The following ATXN7 variants were observed in gnomAD, a reference collection of about 807,000 sequenced individuals.
ATXN7 encodes the protein ataxin 7.
Under a neutral mutation model 70.5 loss-of-function variants are expected in ATXN7, and 12 were observed. The observed-to-expected ratio is 0.17, with a 90% CI of 0.11 to 0.28. The LOEUF (loss-of-function observed/expected upper bound fraction) is 0.28. Ranked by LOEUF, ATXN7 falls within the 10% of genes least tolerant of loss-of-function variation. The pLI, the probability that ATXN7 is intolerant of heterozygous loss-of-function variation, is 1.00. For synonymous variants in ATXN7, 498 were observed against 448.7 expected, an observed-to-expected ratio of 1.11 and a Z score of -1.39; for missense variants, 1,256 against 1,131.7, an observed-to-expected ratio of 1.11 and a Z score of -1.58.
chr3:63,925,666 C>T (rs1244984552), intron 4 of ATXN7, among the ~76,000 whole-genome samples: 2 of 152,130 alleles, frequency 1.3e-5, no homozygotes, highest in Admixed American at 6.5e-5. Flanking sequence ...ATGTAAACTC[C>T]CTAGCAAGGC....
intron 4 of ATXN7, among the ~76,000 whole-genome samples, chr3:63,916,955 C>G (rs762990245): frequency 6.6e-6 from 1 of 151,774 alleles, no homozygotes; most frequent in Non-Finnish European, 1.5e-5. Context: ...GCTGTGTCGC[C>G]CAGGCTGGAG....
intron 2 of ATXN7, among the ~76,000 whole-genome samples, chr3:63,899,612 AT>A (rs558227744): frequency 5.9e-4 from 88 of 149,576 alleles, no homozygotes; most frequent in African/African-American, 1.9e-3. Flanking sequence ...AACTCTAGAA[AT>A]TTTTTTTTTC....
intron 5 of ATXN7, among the ~76,000 whole-genome samples, chr3:63,960,138 C>CA (rs2075103483): frequency 6.6e-6 from 1 of 152,110 alleles, no homozygotes; most frequent in South Asian, 2.1e-4. Flanking sequence ...TGTTTAAACT[C>CA]AGTGATGAAA....
chr3:63,949,782 C>T (rs957803553), intron 4 of ATXN7, among the ~76,000 whole-genome samples: 10 of 152,088 alleles, frequency 6.6e-5, no homozygotes, highest in Non-Finnish European at 1.2e-4. Flanking sequence ...TGTGTGCATG[C>T]TTTTTAGAGA....
rs777657992 is a variant in ATXN7 at position 63,995,822 on chromosome 3, T to A, written c.2000T>A (p.Met667Lys). ...CTTTCCTCGGTTCCTTCCTCCCCCA[T>A]GTCCAGGAAACCTCAGAAATTGAAA... is the stretch of plus-strand genomic sequence containing the variant. ...SGLSSVPSSP[M>K]SRKPQKLKSS... Residue 667 changes from methionine (M) to lysine (K), a missense_variant, in exon 12 of 13, where the codon ATG (methionine) becomes AAG (lysine). By Grantham distance (95) the Met-to-Lys change is moderately conservative. Transcript: ENST00000674280. 23 of 1,614,090 alleles carry A rather than the reference T, an allele frequency of 1.4e-5. No individual in the cohort carries two copies. The highest frequency in any genetic ancestry group is 1.8e-5 in the Non-Finnish European group (21 of 1,180,048).
At chr3:63,917,719 T>G (rs1704340100) in intron 4 of ATXN7, among the ~76,000 whole-genome samples, 1 of 152,246 alleles carries the variant, frequency 6.6e-6, no homozygotes, top group Non-Finnish European at 1.5e-5. Flanking sequence ...GTGTTGTTGA[T>G]GAAGGCATAT....
upstream of ATXN7, chr3:63,863,401 G>A (rs1462107785): frequency 9.5e-7 from 1 of 1,048,568 alleles, no homozygotes; most frequent in African/African-American, 1.7e-5. Context: ...CGCGCCCCTA[G>A]ACAAACCCGG....
intron 4 of ATXN7, among the ~76,000 whole-genome samples, chr3:63,947,519 G>A (rs2074883885): frequency 6.6e-6 from 1 of 152,160 alleles, no homozygotes; most frequent in African/African-American, 2.4e-5. Context: ...TTGAGCCTGG[G>A]AGATTGAGGC....
At chr3:63,872,694 A>G (rs1451556868) in intron 1 of ATXN7, among the ~76,000 whole-genome samples, 3 of 152,208 alleles carry the variant, frequency 2.0e-5, no homozygotes, top group African/African-American at 7.2e-5. Flanking sequence ...GCCTACAGGG[A>G]ATTGTTGCAG....
At chr3:63,880,973 C>T (rs928576884) in intron 1 of ATXN7, among the ~76,000 whole-genome samples, 1 of 152,162 alleles carries the variant, frequency 6.6e-6, no homozygotes, top group Admixed American at 6.5e-5. Flanking sequence ...TCAACCCAAC[C>T]CCTACTACTC....
intron 4 of ATXN7, among the ~76,000 whole-genome samples, chr3:63,915,932 C>T (rs1298318865): frequency 2.6e-5 from 4 of 151,960 alleles, no homozygotes; most frequent in Admixed American, 1.3e-4. Context: ...GTGATCCACC[C>T]GCCTCAGCCT....
intron 1 of ATXN7, among the ~76,000 whole-genome samples, chr3:63,881,468 T>C (rs1702905579): frequency 6.6e-6 from 1 of 151,954 alleles, no homozygotes; most frequent in Non-Finnish European, 1.5e-5. Flanking sequence ...CTGGCCTTGT[T>C]CATTGTGGTT....
chr3:63,994,268 T>A (rs1202982759), intron 11 of ATXN7, among the ~76,000 whole-genome samples: 1 of 152,168 alleles, frequency 6.6e-6, no homozygotes, highest in African/African-American at 2.4e-5. Flanking sequence ...AGGGCCTCAC[T>A]CAGTCACCGA....
chr3:63,881,101 G>A (rs1702894210), intron 1 of ATXN7, among the ~76,000 whole-genome samples: 1 of 152,186 alleles, frequency 6.6e-6, no homozygotes, highest in Admixed American at 6.5e-5. Flanking sequence ...GCCAGACTGT[G>A]CTTTACTTGC....
chr3:63,896,032 G>T (rs1703435514), intron 1 of ATXN7, among the ~76,000 whole-genome samples: 1 of 152,086 alleles, frequency 6.6e-6, no homozygotes, highest in South Asian at 2.1e-4. Context: ...GTCTCAGTTT[G>T]TGTCGTGTGT....
chr3:63,970,882 T>C (rs1453464099), intron 5 of ATXN7, among the ~76,000 whole-genome samples: 4 of 152,206 alleles, frequency 2.6e-5, no homozygotes, highest in African/African-American at 7.2e-5. Flanking sequence ...CCGAATACTT[T>C]AGTGGGGCCT....
At chr3:63,997,897 T>TTATGGGTTATTA (rs1167732201) in intron 12 of ATXN7, 1 of 985,254 alleles carries the variant, frequency 1.0e-6, no homozygotes, top group Non-Finnish European at 1.2e-6. Context: ...GCTGCATGCA[T>TTATGGGTTATTA]TATGGGTTAT....
Position 63,863,951 on chromosome 3 carries a change from G to A in ATXN7, c.-318G>A. 1 of 81,238 alleles carries A rather than the reference G, an allele frequency of 1.2e-5. No individual in the cohort carries two copies. Among genetic ancestry groups the A allele is most frequent in the Non-Finnish European group, 2.7e-5 (1 of 36,600 alleles). 5.0% of individuals were successfully genotyped at this position (81,238 alleles called of 1,614,324 possible). On this transcript the variant is annotated 5_prime_UTR_variant, in exon 1 of 13. Transcript: ENST00000674280. ...TCCGACGCCTGAGCCGCGCCGCGCCGCGCCGCCGCCGCCGCCGCCGCCGCC... is the reference window on the plus strand; with the variant it reads ...TCCGACGCCTGAGCCGCGCCGCGCCACGCCGCCGCCGCCGCCGCCGCCGCC...
intron 5 of ATXN7, among the ~76,000 whole-genome samples, chr3:63,966,532 C>T (rs751127366): frequency 6.6e-6 from 1 of 152,064 alleles, no homozygotes; most frequent in Non-Finnish European, 1.5e-5. Flanking sequence ...CTAAGGGCTT[C>T]CATAGTTTTG....
Sources: allele counts gnomAD v4.1 joint callset (sites outside exome capture counted in the v4.1 genomes callset), GRCh38; gene constraint gnomAD v4.1.1; transcripts MANE v1.5; gene names NCBI Gene and HGNC (gene_info 2026-07-23, HGNC 2026-07-21).